ZNF19: variants seen among roughly 807,000 people sequenced by gnomAD.
ZNF19 encodes zinc finger protein 19 (KOX 12).
Under a neutral mutation model 13.1 loss-of-function variants are expected in ZNF19, and 11 were observed. That is an observed-to-expected ratio of 0.84 (90% confidence interval 0.53 to 1.39). The LOEUF (loss-of-function observed/expected upper bound fraction) is 1.39. ZNF19 is among the 40% of genes most tolerant of loss of function. ZNF19 has a pLI of 0.00. For missense variants in ZNF19, 560 were observed against 547.0 expected, an observed-to-expected ratio of 1.02 and a Z score of -0.24; for synonymous variants, 186 against 187.0, an observed-to-expected ratio of 0.99 and a Z score of 0.04.
chr16:71,489,023 T>C (rs781608533), intron 1 of ZNF19: 53 of 158,560 alleles, frequency 3.3e-4, no homozygotes, highest in Middle Eastern at 3.2e-3. Context: ...GGCAGTGCCA[T>C]CTGCAGACAC....
rs1462053476 is a variant in ZNF19 at position 71,475,078 on chromosome 16, G to T, written c.*92C>A. ...CTGAATCATTAACTGTGGCTTGAGG[G>T]ATGGATCAGAGGCTGAGTCAGGCCT... On this transcript the variant is annotated 3_prime_UTR_variant, in exon 6 of 6. Transcript: ENST00000288177. The T allele has an allele frequency of 1.0e-5, 14 of 1,389,868 alleles. No homozygotes were observed. Among genetic ancestry groups the T allele is most frequent in the Non-Finnish European group, 1.3e-5 (14 of 1,040,682 alleles). The allele number at this position is 1,389,868 out of a possible 1,614,324, so 86.1% of individuals were successfully genotyped here.
In ZNF19 at chr16:71,476,061, T is replaced by C; in HGVS notation, c.486A>G (p.Ile162Met). The C allele has an allele frequency of 1.2e-6, 2 of 1,614,212 alleles. No individual in the cohort carries two copies. Among genetic ancestry groups the C allele is most frequent in the South Asian group, 2.2e-5 (2 of 91,082 alleles). The part of the protein sequence containing the change: ...PRIPCARKPF[I>M]CEECGKSFSY... ...TGAAGGATTTCCCACACTCCTCACA[T>C]ATGAAAGGTTTCCTTGCACAGGGGA... Residue 162 changes from isoleucine to methionine, a missense_variant, in exon 6 of 6, where the codon ATA becomes ATG. By Grantham distance (10) the Ile-to-Met change is conservative. Coordinates refer to ENST00000288177, the MANE Select transcript of ZNF19 (RefSeq NM_006961.4).
rs758851365 is a variant in ZNF19 at position 71,478,355 on chromosome 16, G to A, written c.161-14C>T. 11 of 1,589,880 alleles carry A rather than the reference G, an allele frequency of 6.9e-6. No individual in the cohort carries two copies. In the South Asian group the frequency reaches 1.2e-4, roughly 18 times the overall value. ...GAACTGGGTACCCTGAAAACAGGAA[G>A]AAAATGGTACTTTTCAGCCCTGTAT... On this transcript the variant is annotated splice_polypyrimidine_tract_variant and intron_variant, in intron 4 of 5. Transcript: ENST00000288177.
intron 1 of ZNF19, among the ~76,000 whole-genome samples, chr16:71,485,695 A>C (rs1389431709): frequency 6.6e-6 from 1 of 152,126 alleles, no homozygotes; most frequent in Admixed American, 6.5e-5. Flanking sequence ...CAAGAAGGTG[A>C]AAGAATTTAG....
At chr16:71,483,858 CA>C (rs2043655097) in intron 2 of ZNF19, among the ~76,000 whole-genome samples, 1 of 152,218 alleles carries the variant, frequency 6.6e-6, no homozygotes, top group African/African-American at 2.4e-5. Context: ...ACACATTAAT[CA>C]AGATTCTCTC....
In ZNF19 at chr16:71,482,074, C is replaced by T. The variant is rs374280133; in HGVS notation, c.33+8G>A. ...CCATAGAGCTGACCTCAGGGATCCA[C>T]AGCTCACCTGGTATTGAGCTTTCAG... On this transcript the variant is annotated splice_region_variant and intron_variant, in intron 3 of 5. Coordinates refer to ENST00000288177, the MANE Select transcript of ZNF19 (RefSeq NM_006961.4). 6.2e-7 allele frequency: 1 copy of T among 1,613,984 alleles called. No homozygotes were observed. The highest frequency in any genetic ancestry group is 1.7e-5 in the Admixed American group (1 of 60,002).
In ZNF19 at chr16:71,478,286, A is replaced by G; in HGVS notation, c.216T>C (p.Ala72=). 1 of 1,614,096 alleles carries G rather than the reference A, an allele frequency of 6.2e-7. No individual in the cohort carries two copies. The change falls in exon 5 of 6, where the codon GCT becomes GCC. Residue 72 remains alanine, a synonymous_variant. Transcript: ENST00000288177. ...GATCATCCTGTGCTTCCAGGCCCCAAGCCATGTCCCCTCTCTCCAAAAGTG... is the reference window on the plus strand; with the variant it reads ...GATCATCCTGTGCTTCCAGGCCCCAGGCCATGTCCCCTCTCTCCAAAAGTG... The part of the protein sequence containing the change: ...LISLLERGDM[A]WGLEAQDDPP...
rs748844937 is a variant in ZNF19 at position 71,479,039 on chromosome 16, A to G, written c.34-34T>C. On this transcript the variant is annotated intron_variant, in intron 3 of 5. Coordinates refer to ENST00000288177, the MANE Select transcript of ZNF19 (RefSeq NM_006961.4). ...ACAGGTTCCTGCTGCCCCAGAGCCA[A>G]TCCTCTGGCTCCGGGCCAGAGTGTG... is the stretch of plus-strand genomic sequence containing the variant. 3.1e-6 allele frequency: 5 copies of G among 1,613,822 alleles called. No homozygotes were observed. In the Admixed American group the frequency reaches 6.7e-5, roughly 22 times the overall value.
chr16:71,477,241 A>G (rs1290332143), intron 5 of ZNF19, among the ~76,000 whole-genome samples: 1 of 152,230 alleles, frequency 6.6e-6, no homozygotes, highest in African/African-American at 2.4e-5. Context: ...AGAGGAGAGT[A>G]ATCTGAGATT....
chr16:71,476,150 G>C lies in ZNF19; in HGVS notation c.397C>G (p.Arg133Gly). The C allele has an allele frequency of 1.9e-6, 3 of 1,614,104 alleles. No individual in the cohort carries two copies. Among genetic ancestry groups the C allele is most frequent in the Non-Finnish European group, 2.5e-6 (3 of 1,180,002 alleles). Reference protein sequence around the residue: ...VPQRTDFPETRNVEKHQDIPT... With the variant: ...VPQRTDFPETGNVEKHQDIPT... ...ATGTCCTGGTGCTTTTCCACATTAC[G>C]TGTTTCTGGGAAGTCAGTTCTCTGA... The change falls in exon 6 of 6, where the codon CGT becomes GGT. Residue 133 changes from arginine (R) to glycine (G), a missense_variant. Physicochemically the swap from Arg to Gly is moderately radical, Grantham distance 125. Coordinates refer to ENST00000288177, the MANE Select transcript of ZNF19 (RefSeq NM_006961.4).
At chr16:71,487,711 T>C (rs2043689237) in intron 1 of ZNF19, among the ~76,000 whole-genome samples, 1 of 152,220 alleles carries the variant, frequency 6.6e-6, no homozygotes, top group Non-Finnish European at 1.5e-5. Flanking sequence ...TGTATGATCA[T>C]GGCATATTTA....
In ZNF19 at chr16:71,475,744, G is replaced by C. The variant is rs774532473; in HGVS notation, c.803C>G (p.Thr268Ser). The stretch of plus-strand genomic sequence containing the variant: ...ATTACACTCATAGGGTTTCTCCCCA[G>C]TGTGGATTCTCTGATGTATAACAAA... The part of the protein sequence containing the change: ...SEFVIHQRIH[T>S]GEKPYECNEC... The change falls in exon 6 of 6, where the codon ACT becomes AGT. Residue 268 changes from threonine to serine, a missense_variant. Thr to Ser is a moderately conservative substitution (Grantham distance 58). Transcript: ENST00000288177. 3.1e-6 allele frequency: 5 copies of C among 1,614,092 alleles called. No homozygotes were observed. The highest frequency in any genetic ancestry group is 4.2e-6 in the Non-Finnish European group (5 of 1,179,988).
chr16:71,483,418 T>C, intron 2 of ZNF19, among the ~76,000 whole-genome samples: 1 of 152,260 alleles, frequency 6.6e-6, no homozygotes, highest in Non-Finnish European at 1.5e-5. Flanking sequence ...TCTTTTCTCT[T>C]AGTTTAGCTA....
At position 71,476,176 on chromosome 16, in the gene ZNF19, G is replaced by C; in HGVS notation, c.371C>G (p.Pro124Arg). Reference sequence around the variant, plus strand: ...TGTTTCTGGGAAGTCAGTTCTCTGAGGGACACTCTTCAGCTGACCATGTGA... The same window carrying C: ...TGTTTCTGGGAAGTCAGTTCTCTGACGGACACTCTTCAGCTGACCATGTGA... ...MMSHGQLKSVPQRTDFPETRN... is the reference protein window; with the variant it reads ...MMSHGQLKSVRQRTDFPETRN... The change falls in exon 6 of 6, where the codon CCT (proline) becomes CGT (arginine). Residue 124 changes from proline (P) to arginine (R), a missense_variant. Coordinates refer to ENST00000288177, the MANE Select transcript of ZNF19 (RefSeq NM_006961.4). 6.2e-7 allele frequency: 1 copy of C among 1,614,152 alleles called. No homozygotes were observed. The highest frequency in any genetic ancestry group is 8.5e-7 in the Non-Finnish European group (1 of 1,180,016).
At chr16:71,479,945 A>G (rs570542376) in intron 3 of ZNF19, among the ~76,000 whole-genome samples, 26 of 152,118 alleles carry the variant, frequency 1.7e-4, no homozygotes, top group Non-Finnish European at 3.4e-4. Flanking sequence ...GGTGCACACC[A>G]CCATGCCAGG....
At chr16:71,478,126 G>T in intron 5 of ZNF19, 102 bp downstream of exon 5, 2 of 755,048 alleles carry the variant, frequency 2.6e-6, no homozygotes, top group South Asian at 1.8e-5. Flanking sequence ...CCTATTAGGT[G>T]AAATCATCTA....
chr16:71,478,809 C>A, intron 4 of ZNF19, 70 bp downstream of exon 4: 1 of 1,576,414 alleles, frequency 6.3e-7, no homozygotes, highest in African/African-American at 1.4e-5. Flanking sequence ...CACTCCTCCC[C>A]CCAGGCTGTA....
Position 71,475,164 on chromosome 16 carries a change from G to A in ZNF19, c.*6C>T. The A allele has an allele frequency of 1.3e-6, 2 of 1,570,938 alleles. No individual in the cohort carries two copies. The highest frequency in any genetic ancestry group is 1.7e-6 in the Non-Finnish European group (2 of 1,156,886). On this transcript the variant is annotated 3_prime_UTR_variant, in exon 6 of 6. Transcript: ENST00000288177. ...TCCACTCAGTACATTTCACTGGAGT[G>A]TACTATTACCAGTAAAAGGGGGTAA...
chr16:71,482,436 C>T (rs1402521974), intron 2 of ZNF19: 1 of 294,444 alleles, frequency 3.4e-6, no homozygotes, highest in African/African-American at 2.1e-5. Flanking sequence ...CAGAGCGAAA[C>T]CTAACAAGAA....
Sources: allele counts gnomAD v4.1 joint callset (sites outside exome capture counted in the v4.1 genomes callset), GRCh38; gene constraint gnomAD v4.1.1; transcripts MANE v1.5; gene names NCBI Gene and HGNC (gene_info 2026-07-23, HGNC 2026-07-21).